The following NUP155 variants were observed in gnomAD, a reference collection of about 807,000 sequenced individuals.
NUP155 encodes nuclear pore complex protein Nup155.
Under a neutral mutation model 180.4 loss-of-function variants are expected in NUP155, and 71 were observed. The ratio of observed to expected loss-of-function variants is 0.39; its 90% CI spans 0.33 to 0.48. NUP155 has a LOEUF of 0.48. NUP155 is among the 20% of genes least tolerant of loss of function. The probability of loss-of-function intolerance (pLI) is 0.91; values close to 1 mark genes in which losing one functional copy is unlikely to be tolerated. For missense variants in NUP155, 1,553 were observed against 1,648.9 expected (o/e 0.94, Z 1.01); for synonymous variants, 582 against 559.5 (o/e 1.04, Z -0.57).
intron 10 of NUP155, 68 bp downstream of exon 10, chr5:37,342,481 A>C (rs777586022): frequency 1.7e-5 from 16 of 935,310 alleles, no homozygotes; most frequent in Non-Finnish European, 2.7e-5. Context: ...TCTAATAATA[A>C]ATTTCCAAAT....
intron 4 of NUP155, among the ~76,000 whole-genome samples, chr5:37,354,648 G>C (rs1418885033): frequency 6.7e-6 from 1 of 150,240 alleles, no homozygotes; most frequent in South Asian, 2.1e-4. Flanking sequence ...TTGCAGACAG[G>C]GTATCACCAT....
At chr5:37,311,716 A>T in intron 22 of NUP155, among the ~76,000 whole-genome samples, 1 of 151,854 alleles carries the variant, frequency 6.6e-6, no homozygotes. Context: ...AAGGAATCAC[A>T]GATTTAAAAT....
At chr5:37,342,170 C>T (rs1341493598) in intron 10 of NUP155, among the ~76,000 whole-genome samples, 1 of 152,168 alleles carries the variant, frequency 6.6e-6, no homozygotes, top group Non-Finnish European at 1.5e-5. Context: ...TCCCAAGCAG[C>T]TGGTACTACA....
In NUP155 at chr5:37,370,868, T is replaced by C. The variant is rs780084543; in HGVS notation, c.110A>G (p.Asp37Gly). 5.6e-6 allele frequency: 9 copies of C among 1,614,008 alleles called. No individual in the cohort carries two copies. Among genetic ancestry groups the C allele is most frequent in the Non-Finnish European group, 7.6e-6 (9 of 1,180,040 alleles). ...GRLIDRQLQE[D>G]RMYPDLSELL... ...CTCGGAAAGGTCCGGGTACATGCGGTCCTCTTGCAACTGACGGTCGATGAG... is the reference window on the plus strand; with the variant it reads ...CTCGGAAAGGTCCGGGTACATGCGGCCCTCTTGCAACTGACGGTCGATGAG... The change falls in exon 1 of 35, where the codon GAC becomes GGC. Residue 37 changes from aspartate (D) to glycine (G), a missense_variant. Transcript: ENST00000231498.
rs936901647 is a variant in NUP155 at position 37,294,023 on chromosome 5, A to T, written c.3930+306T>A. ...GCCGTCTCAAAAAAAAAAAAAAAAA[A>T]AAAAATAAAGCAAATGATGATTCTT... On this transcript the variant is annotated intron_variant, in intron 33 of 34. Coordinates refer to ENST00000231498, the MANE Select transcript of NUP155 (RefSeq NM_153485.3). Among the ~76,000 whole-genome samples, 95 of 76,142 alleles carry T rather than the reference A, an allele frequency of 1.2e-3. 11 individuals are homozygous for T. Among genetic ancestry groups the T allele is most frequent in the African/African-American group, 3.4e-3 (9 of 2,646 alleles). 50.0% of individuals were successfully genotyped at this position (76,142 alleles called of 152,430 possible). A position where few individuals can be genotyped will look rare whatever the true frequency, so the allele number is the denominator to read the frequency against.
At chr5:37,355,569 A>ATTTGTTTG (rs142869702) in intron 4 of NUP155, among the ~76,000 whole-genome samples, 31 of 105,930 alleles carry the variant, frequency 2.9e-4, no homozygotes, top group African/African-American at 1.1e-3. Flanking sequence ...ATATTTATTT[A>ATTTGTTTG]TTTGTTTGTT....
intron 11 of NUP155, 143 bp downstream of exon 11, chr5:37,340,947 C>G (rs1467276214): frequency 7.2e-6 from 5 of 693,824 alleles, no homozygotes; most frequent in Non-Finnish European, 1.2e-5. Context: ...TTTTTCAACC[C>G]TTGCTCCCCT....
chr5:37,303,987 C>A (rs903451163), intron 27 of NUP155, among the ~76,000 whole-genome samples: 1 of 143,584 alleles, frequency 7.0e-6, no homozygotes, highest in African/African-American at 2.6e-5. Context: ...GTGGTTCATG[C>A]CTGTAATCCC....
At position 37,314,273 on chromosome 5, in the gene NUP155, T is replaced by C; in HGVS notation, c.2361A>G (p.Lys787=). Residue 787 remains lysine (K), a synonymous_variant, in exon 22 of 35, where the codon AAA becomes AAG. Transcript: ENST00000231498. ...SLQAIQQLVR[K]SYQALALWKL... ...TCCATAAAGCCAGAGCCTGATATGA[T>C]TTTCGAACCAACTGCTGAATTGCCT... The C allele has an allele frequency of 6.2e-7, 1 of 1,610,586 alleles. No individual in the cohort carries two copies. Among genetic ancestry groups the C allele is most frequent in the Non-Finnish European group, 8.5e-7 (1 of 1,177,034 alleles).
chr5:37,317,086 G>A (rs1161354738), intron 21 of NUP155, among the ~76,000 whole-genome samples: 1 of 151,474 alleles, frequency 6.6e-6, no homozygotes, highest in African/African-American at 2.4e-5. Context: ...GGAGAATGGA[G>A]TGAACCCGGG....
intron 29 of NUP155, 140 bp from the exon 30 acceptor site, chr5:37,301,690 T>G: frequency 1.5e-6 from 1 of 681,164 alleles, no homozygotes; most frequent in Non-Finnish European, 2.7e-6. Flanking sequence ...AGGCTAATAT[T>G]ATCATAACAG....
chr5:37,357,769 G>A (rs970485397), intron 4 of NUP155, among the ~76,000 whole-genome samples: 10 of 152,120 alleles, frequency 6.6e-5, no homozygotes, highest in Non-Finnish European at 1.0e-4. Flanking sequence ...TGAGGCGGGC[G>A]GATCACCTGA....
intron 21 of NUP155, among the ~76,000 whole-genome samples, chr5:37,317,210 T>C (rs1217993575): frequency 6.1e-5 from 9 of 148,102 alleles, no homozygotes; most frequent in Non-Finnish European, 1.3e-4. Context: ...AAAATGGGGC[T>C]GGGCACGGTG....
At chr5:37,352,705 T>C (rs1746545285) in intron 5 of NUP155, 32 bp downstream of exon 5, 1 of 1,453,724 alleles carries the variant, frequency 6.9e-7, no homozygotes, top group Non-Finnish European at 9.7e-7. Context: ...ATACTATTAT[T>C]TTAAAAAACG....
intron 14 of NUP155, among the ~76,000 whole-genome samples, chr5:37,331,105 C>T (rs1472693067): frequency 2.0e-5 from 3 of 151,236 alleles, no homozygotes; most frequent in Admixed American, 6.6e-5. Context: ...GCCGAGATCA[C>T]GCCACTGCAC....
At chr5:37,322,018 G>T (rs1170859509) in intron 20 of NUP155, among the ~76,000 whole-genome samples, 1 of 151,986 alleles carries the variant, frequency 6.6e-6, no homozygotes, top group East Asian at 1.9e-4. Flanking sequence ...ACCACACCTG[G>T]CTAGTTTTGT....
In NUP155 at chr5:37,303,556, A is replaced by C. The variant is rs563948901; in HGVS notation, c.3163-142T>G. On this transcript the variant is annotated intron_variant, in intron 27 of 34. Coordinates refer to ENST00000231498, the MANE Select transcript of NUP155 (RefSeq NM_153485.3). Reference sequence around the variant, plus strand: ...AGCAAAATTATAATCCAATACTAACAGATAAAAGAGAGGGCAAATTTTCTT... The same window carrying C: ...AGCAAAATTATAATCCAATACTAACCGATAAAAGAGAGGGCAAATTTTCTT... 296 of 701,548 alleles carry C rather than the reference A, an allele frequency of 4.2e-4. 2 individuals carry two copies. The highest frequency in any genetic ancestry group is 2.7e-3 in the Middle Eastern group (7 of 2,556). 43.5% of individuals were successfully genotyped at this position (701,548 alleles called of 1,614,324 possible).
Position 37,358,747 on chromosome 5 carries a change from A to C in NUP155, c.393-596T>G, listed in dbSNP as rs537485494. ...TATAATGAAAAGACTGGGTGGGCAC[A>C]GTGGCTCACACCTGTAAACCCAGCA... On this transcript the variant is annotated intron_variant, in intron 3 of 34. Coordinates refer to ENST00000231498, the MANE Select transcript of NUP155 (RefSeq NM_153485.3). Among the ~76,000 whole-genome samples, 3 of 152,256 alleles carry C rather than the reference A, an allele frequency of 2.0e-5. No homozygotes were observed. In the South Asian group the frequency reaches 6.2e-4, roughly 32 times the overall value.
chr5:37,294,598 T>C, intron 32 of NUP155, 133 bp from the exon 33 acceptor site: 1 of 716,626 alleles, frequency 1.4e-6, no homozygotes, highest in Non-Finnish European at 2.3e-6. Context: ...GGGCGGGGGG[T>C]TTTTTTTGCT....
Sources: gnomAD v4.1 joint callset for allele counts (sites outside exome capture counted in the v4.1 genomes callset) on GRCh38, gnomAD v4.1.1 for gene constraint, MANE v1.5 for transcripts, NCBI Gene and HGNC (gene_info 2026-07-23, HGNC 2026-07-21) for gene names.